The following CHSY3 variants were observed in gnomAD, a reference collection of about 807,000 sequenced individuals.
The protein encoded by CHSY3 is N-acetylgalactosaminyl-proteoglycan 3-beta-glucuronosyltransferase 3.
Under a neutral mutation model 67.2 loss-of-function variants are expected in CHSY3, and 35 were observed. That is an observed-to-expected ratio of 0.52 (90% CI 0.40 to 0.69). The LOEUF is 0.69. Ranked by LOEUF, CHSY3 falls within the 30% of genes least tolerant of loss-of-function variation. The pLI, the probability that CHSY3 is intolerant of heterozygous loss-of-function variation, is 0.00. For missense variants in CHSY3, 1,069 were observed against 1,138.5 expected (o/e 0.94, Z 0.88); for synonymous variants, 474 against 434.7 (o/e 1.09, Z -1.12).
chr5:130,029,955 A>G lies in CHSY3; in HGVS notation c.1086+121595A>G, dbSNP rs181168508. 1.2e-4 allele frequency among the ~76,000 whole-genome samples: 18 copies of G among 152,294 alleles called. No homozygotes were observed. The East Asian group carries it at 3.3e-3, about 28-fold the overall frequency. On this transcript the variant is annotated intron_variant, in intron 2 of 2. Transcript: ENST00000305031. ...CCAAAAATGTAAGAAGTAGTGGATT[A>G]TACCTTTTTCTTTGAATATTATAAA...
chr5:130,170,267 A>T (rs781033002), intron 2 of CHSY3, among the ~76,000 whole-genome samples: 1 of 152,114 alleles, frequency 6.6e-6, no homozygotes, highest in Non-Finnish European at 1.5e-5. Context: ...TAGTTCACTT[A>T]GGATAATGGC....
intron 2 of CHSY3, among the ~76,000 whole-genome samples, chr5:130,157,565 A>C (rs901202773): frequency 2.6e-5 from 4 of 152,166 alleles, no homozygotes; most frequent in African/African-American, 9.7e-5. Context: ...GTAGAGAAAA[A>C]TTTTCTATGG....
Position 130,164,329 on chromosome 5 carries a change from AATTG to A in CHSY3, c.1087-19894_1087-19891del, listed in dbSNP as rs754361397. On this transcript the variant is annotated intron_variant, in intron 2 of 2. Transcript: ENST00000305031. ...GGGAGCAGTTGTAAAAAAGAAATAAAATTGATTGACTAGGACGCGGGAAGAGGAA... is the reference window on the plus strand; with the variant it reads ...GGGAGCAGTTGTAAAAAAGAAATAAAATTGACTAGGACGCGGGAAGAGGAA... Among the ~76,000 whole-genome samples the A allele has an allele frequency of 2.6e-5, 4 of 152,166 alleles. No individual in the cohort carries two copies. The East Asian group carries it at 5.8e-4, about 22-fold the overall frequency.
At chr5:129,960,534 TTTAC>T (rs1762300617) in intron 2 of CHSY3, among the ~76,000 whole-genome samples, 1 of 151,978 alleles carries the variant, frequency 6.6e-6, no homozygotes, top group African/African-American at 2.4e-5. Flanking sequence ...TTTTGGTCAT[TTTAC>T]TTAAATACGT....
In CHSY3 at chr5:130,032,662, G is replaced by A. The variant is rs528381778; in HGVS notation, c.1086+124302G>A. Among the ~76,000 whole-genome samples, 39 of 152,198 alleles carry A rather than the reference G, an allele frequency of 2.6e-4. No individual in the cohort carries two copies. The South Asian group carries it at 5.0e-3, about 19-fold the overall frequency. ...AGGAGATTTCAGTAGACCACTCTGA[G>A]GGCATAAAATGAGTACCCAGGTTAG... On this transcript the variant is annotated intron_variant, in intron 2 of 2. Transcript: ENST00000305031.
rs1264666338 is a variant in CHSY3, at chr5:129,994,695, T to C, written c.1086+86335T>C. ...GGTTTAAGAAAATGTGGCACATATA[T>C]ACCATGGAATACTATGCAGCCATAA... is the stretch of plus-strand genomic sequence containing the variant. On this transcript the variant is annotated intron_variant, in intron 2 of 2. Transcript: ENST00000305031. 2.6e-5 allele frequency among the ~76,000 whole-genome samples: 4 copies of C among 152,048 alleles called. No homozygotes were observed. The South Asian group carries it at 8.3e-4, about 32-fold the overall frequency.
intron 2 of CHSY3, among the ~76,000 whole-genome samples, chr5:130,103,446 T>C (rs2149699881): frequency 6.6e-6 from 1 of 152,186 alleles, no homozygotes; most frequent in Middle Eastern, 3.4e-3. Flanking sequence ...AAAGTTGGCC[T>C]AAATGTTCTC....
At chr5:129,955,279 A>G (rs985492486) in intron 2 of CHSY3, among the ~76,000 whole-genome samples, 2 of 151,880 alleles carry the variant, frequency 1.3e-5, no homozygotes, top group African/African-American at 4.8e-5. Flanking sequence ...TTCCTTGGAG[A>G]CATCTTCTGG....
chr5:129,981,903 C>T (rs956386613), intron 2 of CHSY3, among the ~76,000 whole-genome samples: 1 of 152,148 alleles, frequency 6.6e-6, no homozygotes, highest in African/African-American at 2.4e-5. Context: ...GAATTTTTAT[C>T]ATGAATGAGT....
At chr5:129,913,559 G>A (rs1210330408) in intron 2 of CHSY3, among the ~76,000 whole-genome samples, 5 of 151,994 alleles carry the variant, frequency 3.3e-5, no homozygotes, top group Non-Finnish European at 7.4e-5. Flanking sequence ...TGAAAGTTTT[G>A]TTTTTTGATT....
intron 2 of CHSY3, among the ~76,000 whole-genome samples, chr5:130,054,322 A>C (rs1383399127): frequency 1.3e-5 from 2 of 152,188 alleles, no homozygotes; most frequent in African/African-American, 2.4e-5. Context: ...AATCATACTT[A>C]ATCTAAATTT....
At chr5:130,003,012 A>G (rs929373540) in intron 2 of CHSY3, among the ~76,000 whole-genome samples, 1 of 152,176 alleles carries the variant, frequency 6.6e-6, no homozygotes, top group Non-Finnish European at 1.5e-5. Context: ...GTTGCTTTGC[A>G]CATGAATGTT....
intron 2 of CHSY3, among the ~76,000 whole-genome samples, chr5:129,958,830 C>A (rs913317997): frequency 3.9e-5 from 6 of 152,088 alleles, no homozygotes; most frequent in Non-Finnish European, 8.8e-5. Context: ...GTGTGCCTGG[C>A]AGATGCAGAT....
chr5:130,125,422 G>GATAGATAT (rs1301014618), intron 2 of CHSY3, among the ~76,000 whole-genome samples: 1 of 151,452 alleles, frequency 6.6e-6, no homozygotes, highest in African/African-American at 2.4e-5. Flanking sequence ...GTCTCAGATA[G>GATAGATAT]ATAGATAGAT....
Position 130,106,479 on chromosome 5 carries a change from C to G in CHSY3, c.1087-77750C>G, listed in dbSNP as rs192728754. Among the ~76,000 whole-genome samples the G allele has an allele frequency of 4.6e-5, 7 of 151,682 alleles. No individual in the cohort carries two copies. In the East Asian group the frequency reaches 1.2e-3, roughly 25 times the overall value. ...CAGCAGAGAATAAAATAGATCAAGTCTTTGCCTTTTAAACCAGCTTTTATT... is the reference window on the plus strand; with the variant it reads ...CAGCAGAGAATAAAATAGATCAAGTGTTTGCCTTTTAAACCAGCTTTTATT... On this transcript the variant is annotated intron_variant, in intron 2 of 2. Transcript: ENST00000305031.
intron 2 of CHSY3, among the ~76,000 whole-genome samples, chr5:130,041,659 A>G (rs1765010135): frequency 6.6e-6 from 1 of 152,100 alleles, no homozygotes; most frequent in Admixed American, 6.6e-5. Flanking sequence ...AGAGAGAGTG[A>G]CTATAAAATA....
At chr5:129,979,712 T>G (rs1762927944) in intron 2 of CHSY3, among the ~76,000 whole-genome samples, 1 of 152,218 alleles carries the variant, frequency 6.6e-6, no homozygotes, top group African/African-American at 2.4e-5. Flanking sequence ...TTATTGTATT[T>G]TACGGAGTAC....
Position 129,923,919 on chromosome 5 carries a change from A to G in CHSY3, c.1086+15559A>G, listed in dbSNP as rs752593360. On this transcript the variant is annotated intron_variant, in intron 2 of 2. Transcript: ENST00000305031. Reference sequence around the variant, plus strand: ...GGGGTACAAATCCATTGTGAGTATTATCAGACTGCATAAATGTATTTGTTT... The same window carrying G: ...GGGGTACAAATCCATTGTGAGTATTGTCAGACTGCATAAATGTATTTGTTT... Among the ~76,000 whole-genome samples, 9 of 152,364 alleles carry G rather than the reference A, an allele frequency of 5.9e-5. No homozygotes were observed. The South Asian group carries it at 1.4e-3, about 25-fold the overall frequency.
intron 2 of CHSY3, among the ~76,000 whole-genome samples, chr5:130,074,286 G>A (rs1766183006): frequency 6.6e-6 from 1 of 151,866 alleles, no homozygotes; most frequent in African/African-American, 2.4e-5. Context: ...GGCCAGGCTG[G>A]TCTCAATCTC....
Sources: gnomAD v4.1 joint callset for allele counts (sites outside exome capture counted in the v4.1 genomes callset) on GRCh38, gnomAD v4.1.1 for gene constraint, MANE v1.5 for transcripts, NCBI Gene and HGNC (gene_info 2026-07-23, HGNC 2026-07-21) for gene names.